PPFIBP2: variants seen among roughly 807,000 people sequenced by gnomAD.
PPFIBP2 encodes liprin-beta-2.
In PPFIBP2, 118 loss-of-function variants were observed where a neutral mutation model predicts 118.3. The ratio of observed to expected loss-of-function variants is 1.00; its 90% confidence interval spans 0.86 to 1.16. The LOEUF is 1.16. Among genes scored for constraint, PPFIBP2 ranks in the 50% most tolerant of loss-of-function variants. The probability of loss-of-function intolerance (pLI) is 0.00; values close to 1 mark genes in which losing one functional copy is unlikely to be tolerated. For synonymous variants in PPFIBP2, 414 were observed against 397.4 expected (o/e 1.04, Z -0.50); for missense variants, 1,195 against 1,073.1 (o/e 1.11, Z -1.59).
At chr11:7,613,123 A>C (rs1848260943) in intron 6 of PPFIBP2, among the ~76,000 whole-genome samples, 1 of 152,086 alleles carries the variant, frequency 6.6e-6, no homozygotes, top group South Asian at 2.1e-4. Context: ...TGAGATAGCC[A>C]GATCTGAAAT....
intron 3 of PPFIBP2, among the ~76,000 whole-genome samples, chr11:7,574,444 A>G (rs1339052987): frequency 6.6e-6 from 1 of 152,238 alleles, no homozygotes; most frequent in African/African-American, 2.4e-5. Context: ...ACCTCGGCCA[A>G]TTAAAAGCTG....
Position 7,641,051 on chromosome 11 carries a change from G to A in PPFIBP2, c.1376-428G>A, listed in dbSNP as rs1006309611. 1.2e-5 allele frequency: 15 copies of A among 1,282,830 alleles called. No individual in the cohort carries two copies. The East Asian group carries it at 4.4e-4, about 38-fold the overall frequency. The allele number at this position is 1,282,830 out of a possible 1,614,324, so 79.5% of individuals were successfully genotyped here. A position where few individuals can be genotyped will look rare whatever the true frequency, so the allele number is the denominator to read the frequency against. ...ACTGGAGATCGTGGCCGGAGTGTCA[G>A]TGCCCCCGTATTAGGTACTGTACCC... On this transcript the variant is annotated intron_variant, in intron 15 of 23. Transcript: ENST00000299492.
At chr11:7,565,928 G>A (rs767152250) in intron 3 of PPFIBP2, among the ~76,000 whole-genome samples, 161 bp downstream of exon 3, 6 of 152,078 alleles carry the variant, frequency 3.9e-5, no homozygotes, top group Non-Finnish European at 7.4e-5. Context: ...TCTTATCAAG[G>A]AGTATAGAGC....
At chr11:7,519,049 T>A (rs974758094) in intron 1 of PPFIBP2, among the ~76,000 whole-genome samples, 2 of 151,800 alleles carry the variant, frequency 1.3e-5, no homozygotes, top group Non-Finnish European at 2.9e-5. Flanking sequence ...AGTGCTAGAG[T>A]TGTCCTCAGG....
At chr11:7,639,653 G>A in intron 14 of PPFIBP2, 79 bp from the exon 15 acceptor site, 15 of 1,583,376 alleles carry the variant, frequency 9.5e-6, no homozygotes, top group Non-Finnish European at 1.3e-5. Flanking sequence ...AAAACAGGGA[G>A]TTGTTCTGTA....
chr11:7,659,702 G>T (rs1381441557), downstream of PPFIBP2, among the ~76,000 whole-genome samples: 3 of 117,352 alleles, frequency 2.6e-5, no homozygotes, highest in African/African-American at 5.7e-5. Context: ...TTGGTAGCTT[G>T]ATGGGGATGG....
At chr11:7,547,730 G>A (rs931851103) in intron 1 of PPFIBP2, among the ~76,000 whole-genome samples, 1 of 151,996 alleles carries the variant, frequency 6.6e-6, no homozygotes, top group Non-Finnish European at 1.5e-5. Flanking sequence ...GAAGTTCCCC[G>A]ACACCCTGTG....
intron 3 of PPFIBP2, among the ~76,000 whole-genome samples, chr11:7,566,591 A>G (rs1208248165): frequency 6.6e-6 from 1 of 152,126 alleles, no homozygotes; most frequent in Non-Finnish European, 1.5e-5. Flanking sequence ...TGGTCTTGAA[A>G]TCTTGGCTCA....
intron 1 of PPFIBP2, among the ~76,000 whole-genome samples, chr11:7,525,396 C>T (rs577317755): frequency 2.0e-4 from 30 of 152,242 alleles, no homozygotes; most frequent in African/African-American, 5.8e-4. Context: ...CTTTTATTCC[C>T]GTCTCAGGAA....
At chr11:7,591,637 G>C (rs1859325768) in intron 3 of PPFIBP2, among the ~76,000 whole-genome samples, 1 of 152,130 alleles carries the variant, frequency 6.6e-6, no homozygotes, top group South Asian at 2.1e-4. Context: ...GCATGAAAGA[G>C]CTTCCATAAC....
At chr11:7,567,056 C>T (rs1167311631) in intron 3 of PPFIBP2, among the ~76,000 whole-genome samples, 1 of 152,190 alleles carries the variant, frequency 6.6e-6, no homozygotes, top group Non-Finnish European at 1.5e-5. Context: ...TTTTAAATAA[C>T]GTTTAGGTGC....
chr11:7,544,930 T>C (rs1423083919), intron 1 of PPFIBP2, among the ~76,000 whole-genome samples: 1 of 152,090 alleles, frequency 6.6e-6, no homozygotes, highest in East Asian at 1.9e-4. Context: ...TTAAGCCCCA[T>C]ATCCCTGAGG....
At chr11:7,622,732 A>G (rs980995244) in intron 7 of PPFIBP2, among the ~76,000 whole-genome samples, 5 of 152,154 alleles carry the variant, frequency 3.3e-5, no homozygotes, top group African/African-American at 9.7e-5. Flanking sequence ...TTGTATGTGT[A>G]TGCTTCACAG....
At chr11:7,628,074 G>T (rs887728900) in intron 8 of PPFIBP2, among the ~76,000 whole-genome samples, 1 of 152,166 alleles carries the variant, frequency 6.6e-6, no homozygotes, top group African/African-American at 2.4e-5. Flanking sequence ...TCTATAAAGA[G>T]AAGACAGAGT....
intron 2 of PPFIBP2, 70 bp downstream of exon 2, chr11:7,549,609 C>CTTT (rs386373033): frequency 0.15 from 166,138 of 1,112,592 alleles, 4,920 homozygotes; most frequent in African/African-American, 0.28. Context: ...TCTCCTTTTA[C>CTTT]TTTTTTTTTT....
intron 6 of PPFIBP2, among the ~76,000 whole-genome samples, chr11:7,614,020 C>T (rs2135526740): frequency 6.6e-6 from 1 of 152,342 alleles, no homozygotes; most frequent in East Asian, 1.9e-4. Flanking sequence ...GAAAGGGATT[C>T]TGATTTCTGA....
chr11:7,631,279 G>C (rs557824100), intron 11 of PPFIBP2: 2 of 406,242 alleles, frequency 4.9e-6, no homozygotes, highest in East Asian at 4.0e-5. Context: ...TTTTAATCAG[G>C]CTCCTAGTTT....
rs1317558200 is a variant in PPFIBP2, at chr11:7,561,639, CAT to C, written c.65-3911_65-3910del. ...TTTTCTGTGAGGGTAATTCTAGCCACATATTTTAGCAGTGTATGGCAAGTGCC... is the reference window on the plus strand; with the variant it reads ...TTTTCTGTGAGGGTAATTCTAGCCACATTTTAGCAGTGTATGGCAAGTGCC... On this transcript the variant is annotated intron_variant, in intron 2 of 23. Coordinates refer to ENST00000299492, the MANE Select transcript of PPFIBP2 (RefSeq NM_003621.5). Among the ~76,000 whole-genome samples the C allele has an allele frequency of 3.3e-5, 5 of 152,308 alleles. No individual in the cohort carries two copies. The South Asian group carries it at 1.0e-3, about 32-fold the overall frequency.
intron 2 of PPFIBP2, among the ~76,000 whole-genome samples, chr11:7,553,705 A>G (rs181304159): frequency 3.3e-5 from 5 of 152,346 alleles, no homozygotes; most frequent in Non-Finnish European, 7.3e-5. Context: ...ATTAATGCAG[A>G]TAAGGCACCT....
Sources: gnomAD v4.1 joint callset for allele counts (sites outside exome capture counted in the v4.1 genomes callset) on GRCh38, gnomAD v4.1.1 for gene constraint, MANE v1.5 for transcripts, NCBI Gene and HGNC (gene_info 2026-07-23, HGNC 2026-07-21) for gene names.